Variants in DSTYK observed in about 807,000 individuals in gnomAD.
DSTYK encodes dual serine/threonine and tyrosine protein kinase, also known as RIP-homologous kinase.
In DSTYK, 34 loss-of-function variants were observed where a neutral mutation model predicts 98.7. The ratio of observed to expected loss-of-function variants is 0.34; its 90% confidence interval spans 0.26 to 0.46. The LOEUF is 0.46. DSTYK is among the 20% of genes least tolerant of loss of function. The probability of loss-of-function intolerance (pLI) is 1.00; values close to 1 mark genes in which losing one functional copy is unlikely to be tolerated. For missense variants in DSTYK, 962 were observed against 1,181.7 expected (o/e 0.81, Z 2.73); for synonymous variants, 462 against 457.3 (o/e 1.01, Z -0.13).
chr1:205,199,285 C>T (rs1658958022), intron 1 of DSTYK, among the ~76,000 whole-genome samples: 2 of 152,164 alleles, frequency 1.3e-5, no homozygotes, highest in Admixed American at 1.3e-4. Flanking sequence ...ATCCAAACTG[C>T]TCACACTGCC....
chr1:205,185,124 C>T (rs1658525499), intron 2 of DSTYK, among the ~76,000 whole-genome samples: 1 of 152,112 alleles, frequency 6.6e-6, no homozygotes, highest in Non-Finnish European at 1.5e-5. Flanking sequence ...TTGCTTGAAT[C>T]TGGAAGGCGG....
chr1:205,159,475 A>C (rs1657652597), intron 9 of DSTYK, 72 bp downstream of exon 9: 2 of 1,490,234 alleles, frequency 1.3e-6, no homozygotes, highest in South Asian at 1.3e-5. Flanking sequence ...GCTCTTAATA[A>C]ACAGGAGAGG....
In DSTYK at chr1:205,147,492, C is replaced by T. The variant is rs539875518; in HGVS notation, c.*66G>A. 2.0e-5 allele frequency: 31 copies of T among 1,528,980 alleles called. No individual in the cohort carries two copies. The African/African-American group carries it at 3.6e-4, about 18-fold the overall frequency. 94.7% of individuals were successfully genotyped at this position (1,528,980 alleles called of 1,614,324 possible). A position where few individuals can be genotyped will look rare whatever the true frequency, so the allele number is the denominator to read the frequency against. ...TCCTATAGTGAATAAATGTCAAATT[C>T]TCCCCATGGCCAAAAGGTGAGGGGG... On this transcript the variant is annotated 3_prime_UTR_variant, in exon 13 of 13. Transcript: ENST00000367162.
At chr1:205,196,607 T>C (rs1658872733) in intron 1 of DSTYK, among the ~76,000 whole-genome samples, 1 of 151,124 alleles carries the variant, frequency 6.6e-6, no homozygotes, top group Non-Finnish European at 1.5e-5. Context: ...CAGGTGGGAG[T>C]TGTCAGGGAA....
intron 2 of DSTYK, among the ~76,000 whole-genome samples, chr1:205,187,214 G>C (rs1173962654): frequency 6.6e-6 from 1 of 152,212 alleles, no homozygotes; most frequent in African/African-American, 2.4e-5. Flanking sequence ...TCAGGGCCTT[G>C]CAGCATGGTA....
chr1:205,188,060 G>A (rs1005786177), intron 1 of DSTYK, among the ~76,000 whole-genome samples: 14 of 152,114 alleles, frequency 9.2e-5, no homozygotes, highest in Non-Finnish European at 4.4e-5. Context: ...AGAAATGTGG[G>A]AGTGACCTGA....
intron 2 of DSTYK, among the ~76,000 whole-genome samples, chr1:205,180,632 T>G (rs2102436044): frequency 6.6e-6 from 1 of 152,218 alleles, no homozygotes; most frequent in African/African-American, 2.4e-5. Flanking sequence ...ACCCAGCTAA[T>G]TTTTGTATTT....
intron 1 of DSTYK, among the ~76,000 whole-genome samples, chr1:205,196,558 T>C (rs1478731885): frequency 1.3e-5 from 2 of 151,822 alleles, no homozygotes; most frequent in Admixed American, 6.6e-5. Flanking sequence ...ACCTTGCCTG[T>C]AAAAAGAAAA....
chr1:205,179,578 G>A (rs1054529350), intron 2 of DSTYK, among the ~76,000 whole-genome samples: 9 of 147,854 alleles, frequency 6.1e-5, no homozygotes, highest in South Asian at 4.3e-4. Flanking sequence ...CCGAGATCGC[G>A]CCACTGCACT....
intron 3 of DSTYK, among the ~76,000 whole-genome samples, chr1:205,167,060 T>A (rs946892758): frequency 2.0e-5 from 3 of 152,216 alleles, no homozygotes; most frequent in Admixed American, 6.5e-5. Context: ...ACAGATGGAA[T>A]GCTATGGGAT....
At chr1:205,161,146 G>A (rs1201574889) in intron 7 of DSTYK, 112 bp downstream of exon 7, 3 of 1,369,950 alleles carry the variant, frequency 2.2e-6, no homozygotes, top group Non-Finnish European at 3.0e-6. Flanking sequence ...TAAGGGTTTA[G>A]GCAGCTTTGC....
chr1:205,181,699 G>T (rs1198237545), intron 2 of DSTYK, among the ~76,000 whole-genome samples: 5 of 105,008 alleles, frequency 4.8e-5, no homozygotes, highest in Admixed American at 1.0e-4. Context: ...TGTGTGTGTG[G>T]CGGGGCAGGG....
intron 8 of DSTYK, 76 bp downstream of exon 8, chr1:205,160,038 T>C: frequency 6.5e-7 from 1 of 1,547,902 alleles, no homozygotes; most frequent in Non-Finnish European, 8.9e-7. Flanking sequence ...CTGTAGCTCT[T>C]GGTACAAAAT....
At chr1:205,183,604 G>T (rs1658482513) in intron 2 of DSTYK, among the ~76,000 whole-genome samples, 2 of 152,162 alleles carry the variant, frequency 1.3e-5, no homozygotes, top group Non-Finnish European at 2.9e-5. Flanking sequence ...ATTTCCTTTA[G>T]CTAAATGTTT....
intron 9 of DSTYK, among the ~76,000 whole-genome samples, 195 bp from the exon 10 acceptor site, chr1:205,157,581 A>C (rs1007898061): frequency 6.6e-6 from 1 of 152,104 alleles, no homozygotes; most frequent in Non-Finnish European, 1.5e-5. Flanking sequence ...AACATGGTGA[A>C]ATCCTGTCTC....
At chr1:205,204,905 T>C (rs1166730421) in intron 1 of DSTYK, among the ~76,000 whole-genome samples, 4 of 152,156 alleles carry the variant, frequency 2.6e-5, no homozygotes, top group East Asian at 1.9e-4. Flanking sequence ...AAGATTCAAA[T>C]AGGTTAAGTA....
intron 2 of DSTYK, among the ~76,000 whole-genome samples, chr1:205,179,297 T>C (rs981549125): frequency 6.6e-6 from 1 of 151,816 alleles, no homozygotes; most frequent in Admixed American, 6.6e-5. Flanking sequence ...TGATTTGGTG[T>C]TTGGGAAGTT....
chr1:205,201,812 C>A (rs910633332), intron 1 of DSTYK, among the ~76,000 whole-genome samples: 2 of 152,150 alleles, frequency 1.3e-5, no homozygotes, highest in Non-Finnish European at 2.9e-5. Context: ...GTAATGCCAG[C>A]ACTTTGGGAA....
chr1:205,199,856 G>A (rs1157970975), intron 1 of DSTYK, among the ~76,000 whole-genome samples: 1 of 152,280 alleles, frequency 6.6e-6, no homozygotes, highest in African/African-American at 2.4e-5. Context: ...ATAGCTCGTA[G>A]TTTTCCTACC....
Sources: gnomAD v4.1 joint callset for allele counts (sites outside exome capture counted in the v4.1 genomes callset) on GRCh38, gnomAD v4.1.1 for gene constraint, MANE v1.5 for transcripts, NCBI Gene and HGNC (gene_info 2026-07-23, HGNC 2026-07-21) for gene names.